Variants in DKK4 observed in about 807,000 individuals in gnomAD.
DKK4 encodes the protein dickkopf Wnt signaling pathway inhibitor 4.
In DKK4, 15 loss-of-function variants were observed where a neutral mutation model predicts 14.5. The observed-to-expected ratio is 1.03, with a 90% CI of 0.69 to 1.59. The LOEUF (loss-of-function observed/expected upper bound fraction) is 1.59. Among genes scored for constraint, DKK4 ranks in the 40% most tolerant of loss-of-function variants. DKK4 has a pLI of 0.00. For missense variants in DKK4, 272 were observed against 280.3 expected (o/e 0.97, Z 0.21); for synonymous variants, 89 against 105.2 (o/e 0.85, Z 0.94).
chr8:42,383,127 G>A, the DKK4 span, among the ~76,000 whole-genome samples: 1 of 152,208 alleles, frequency 6.6e-6, no homozygotes. Flanking sequence ...TAAAAGATGA[G>A]AAGGGGCATG....
At chr8:42,381,352 A>G (rs1015725020), upstream of DKK4, among the ~76,000 whole-genome samples, 2 of 152,178 alleles carry the variant, frequency 1.3e-5, no homozygotes, top group East Asian at 1.9e-4. Context: ...CGCACAATCA[A>G]CTGTTTGCAG....
Position 42,374,072 on chromosome 8 carries a change from A to G in DKK4, c.*28T>C. On this transcript the variant is annotated 3_prime_UTR_variant, in exon 4 of 4. Transcript: ENST00000220812. ...ATGTCCAAGATTGAGCTCAAATGCA[A>G]TGTGGATTCTTCTTTATTTTGAAAT... The G allele has an allele frequency of 4.4e-6, 7 of 1,609,166 alleles. No homozygotes were observed. The highest frequency in any genetic ancestry group is 5.9e-6 in the Non-Finnish European group (7 of 1,179,048).
At chr8:42,380,051 A>T (rs1417873539), upstream of DKK4, among the ~76,000 whole-genome samples, 11 of 151,944 alleles carry the variant, frequency 7.2e-5, no homozygotes, top group Non-Finnish European at 1.5e-4. Flanking sequence ...AAAATAAAAA[A>T]CCTGGGCATG....
the DKK4 span, among the ~76,000 whole-genome samples, chr8:42,388,842 T>A: frequency 6.6e-6 from 1 of 152,280 alleles, no homozygotes. Context: ...GTGCTGGGAT[T>A]ACAGGCGTGA....
At chr8:42,386,066 T>C in the DKK4 span, among the ~76,000 whole-genome samples, 7 of 152,222 alleles carry the variant, frequency 4.6e-5, no homozygotes, top group Non-Finnish European at 5.9e-5. Flanking sequence ...CCTCCCCGGA[T>C]TGGAGGTATA....
At chr8:42,374,952 A>C in intron 2 of DKK4, 39 bp from the exon 3 acceptor site, 1 of 1,608,974 alleles carries the variant, frequency 6.2e-7, no homozygotes, top group Non-Finnish European at 8.5e-7. Context: ...TATTAACTTC[A>C]AGGGGGAGAA....
Position 42,377,027 on chromosome 8 carries a change from G to C in DKK4, c.19C>G (p.Leu7Val). Residue 7 changes from leucine to valine, a missense_variant, in exon 1 of 4, where the codon CTG becomes GTG. By Grantham distance (32) the Leu-to-Val change is conservative. Coordinates refer to ENST00000220812, the MANE Select transcript of DKK4 (RefSeq NM_014420.3). Reference protein sequence around the residue: MVAAVLLGLSWLCSPLG... With the variant: MVAAVLVGLSWLCSPLG... ...GGAGAGCAGAGCCAGCTCAGCCCCA[G>C]CAGGACGGCCGCCACCATCCTTCAA... The C allele has an allele frequency of 1.9e-6, 3 of 1,613,072 alleles. No individual in the cohort carries two copies. The highest frequency in any genetic ancestry group is 2.5e-6 in the Non-Finnish European group (3 of 1,180,004).
chr8:42,378,212 T>A (rs542769610), upstream of DKK4, among the ~76,000 whole-genome samples: 2 of 152,218 alleles, frequency 1.3e-5, no homozygotes, highest in South Asian at 4.1e-4. Flanking sequence ...AAAATCATTT[T>A]TTCTCTTCAT....
chr8:42,378,233 C>G (rs903240518), upstream of DKK4, among the ~76,000 whole-genome samples: 10 of 152,112 alleles, frequency 6.6e-5, no homozygotes, highest in African/African-American at 2.4e-4. Context: ...TGTTTCATTG[C>G]TCTTAGCATA....
upstream of DKK4, among the ~76,000 whole-genome samples, chr8:42,377,794 G>A (rs1331993754): frequency 1.3e-5 from 2 of 152,200 alleles, no homozygotes; most frequent in Non-Finnish European, 2.9e-5. Context: ...CTGACTAAAT[G>A]CCATTTGGGA....
chr8:42,389,755 T>C, the DKK4 span, among the ~76,000 whole-genome samples: 2 of 152,248 alleles, frequency 1.3e-5, no homozygotes, highest in African/African-American at 2.4e-5. Context: ...GTTAACATTT[T>C]ATCATATTTG....
chr8:42,389,858 G>T, the DKK4 span, among the ~76,000 whole-genome samples: 10 of 151,864 alleles, frequency 6.6e-5, 1 homozygote, highest in South Asian at 2.1e-3. Flanking sequence ...TAAAATCAAG[G>T]CCATTTCTGC....
At chr8:42,388,947 T>C in the DKK4 span, among the ~76,000 whole-genome samples, 1 of 152,174 alleles carries the variant, frequency 6.6e-6, no homozygotes, top group African/African-American at 2.4e-5. Flanking sequence ...GGTTACATTA[T>C]TTGTTTGTTT....
At chr8:42,380,038 CA>C (rs1824644680), upstream of DKK4, among the ~76,000 whole-genome samples, 1 of 151,920 alleles carries the variant, frequency 6.6e-6, no homozygotes, top group African/African-American at 2.4e-5. Context: ...CCTGTCTCCA[CA>C]AAAAATAAAA....
chr8:42,380,563 T>G (rs1232829236), upstream of DKK4, among the ~76,000 whole-genome samples: 5 of 71,694 alleles, frequency 7.0e-5, no homozygotes, highest in African/African-American at 1.7e-4. Context: ...GAAGAAAAAA[T>G]GAAAGGAAGA....
upstream of DKK4, among the ~76,000 whole-genome samples, chr8:42,381,195 G>T (rs1186252188): frequency 6.6e-6 from 1 of 151,808 alleles, no homozygotes; most frequent in Non-Finnish European, 1.5e-5. Flanking sequence ...ATGTGGGAGT[G>T]GGGAGGGAGG....
Position 42,374,362 on chromosome 8 carries a change from G to C in DKK4, c.416-3C>G, listed in dbSNP as rs1247062602. 6.2e-7 allele frequency: 1 copy of C among 1,612,986 alleles called. No homozygotes were observed. The highest frequency in any genetic ancestry group is 2.2e-5 in the East Asian group (1 of 44,900). ...CAGACAACTTTCTCCCTCTTGTCCT[G>C]TAACAAGGTTAATGTGGGCTTTAGT... On this transcript the variant is annotated splice_polypyrimidine_tract_variant and splice_region_variant and intron_variant, in intron 3 of 3. Coordinates refer to ENST00000220812, the MANE Select transcript of DKK4 (RefSeq NM_014420.3).
Position 42,374,192 on chromosome 8 carries a change from C to T in DKK4, c.583G>A (p.Asp195Asn), listed in dbSNP as rs764520274. ...CGACACAGTAGTCCAGGGCCACAGT[C>T]GCAACGCTGGAAGATTTCTGGAGCT... ...AQAPEIFQRC[D>N]CGPGLLCRSQ... The change falls in exon 4 of 4, where the codon GAC (aspartate) becomes AAC (asparagine). Residue 195 changes from aspartate (D) to asparagine (N), a missense_variant. By Grantham distance (23) the Asp-to-Asn change is conservative. Coordinates refer to ENST00000220812, the MANE Select transcript of DKK4 (RefSeq NM_014420.3). The T allele has an allele frequency of 1.4e-5, 22 of 1,613,494 alleles. No homozygotes were observed. The highest frequency in any genetic ancestry group is 7.7e-5 in the South Asian group (7 of 90,986).
upstream of DKK4, among the ~76,000 whole-genome samples, chr8:42,378,787 T>G (rs1824608871): frequency 6.6e-6 from 1 of 151,804 alleles, no homozygotes; most frequent in Non-Finnish European, 1.5e-5. Context: ...GAACAGAGCC[T>G]CGGATTACAT....
Sources: allele counts gnomAD v4.1 joint callset (sites outside exome capture counted in the v4.1 genomes callset), GRCh38; gene constraint gnomAD v4.1.1; transcripts MANE v1.5; gene names NCBI Gene and HGNC (gene_info 2026-07-23, HGNC 2026-07-21).